Variants in NEDD4L observed in about 807,000 individuals in gnomAD.
NEDD4L encodes NEDD4 like E3 ubiquitin protein ligase, also known as E3 ubiquitin-protein ligase NEDD4-like.
NEDD4L carries 54 observed loss-of-function variants against 148.9 expected under a neutral mutation model. That is an observed-to-expected ratio of 0.36 (90% CI 0.29 to 0.45). The LOEUF (loss-of-function observed/expected upper bound fraction) is 0.45, where lower values mean the gene tolerates loss of function less well. Ranked by LOEUF, NEDD4L falls within the 20% of genes least tolerant of loss-of-function variation. The pLI is 1.00. For missense variants in NEDD4L, 856 were observed against 1,233.8 expected (o/e 0.69, Z 4.59); for synonymous variants, 433 against 440.7 (o/e 0.98, Z 0.22).
intron 25 of NEDD4L, among the ~76,000 whole-genome samples, 191 bp from the exon 26 acceptor site, chr18:58,385,335 T>C (rs920573525): frequency 6.6e-6 from 1 of 152,200 alleles, no homozygotes; most frequent in Non-Finnish European, 1.5e-5. Context: ...CAGTGAGATT[T>C]TAGGTTTTTC....
chr18:58,377,346 A>G (rs1001424903), intron 24 of NEDD4L, among the ~76,000 whole-genome samples: 1 of 152,232 alleles, frequency 6.6e-6, no homozygotes, highest in African/African-American at 2.4e-5. Context: ...TGCAGTTGTC[A>G]TGGGGTGAAA....
intron 1 of NEDD4L, among the ~76,000 whole-genome samples, chr18:58,065,394 C>T (rs749179650): frequency 3.9e-5 from 6 of 152,226 alleles, no homozygotes; most frequent in Non-Finnish European, 7.3e-5. Context: ...TTGTGCATTG[C>T]GCACTATGCT....
chr18:58,374,393 C>A (rs1054544861), intron 24 of NEDD4L, among the ~76,000 whole-genome samples: 1 of 152,076 alleles, frequency 6.6e-6, no homozygotes, highest in African/African-American at 2.4e-5. Context: ...AGGCAAGAGA[C>A]CTTGTGGCTT....
intron 1 of NEDD4L, among the ~76,000 whole-genome samples, chr18:58,116,642 T>A (rs553525): frequency 0.094 from 14,290 of 152,260 alleles, 975 homozygotes; most frequent in African/African-American, 0.19. Context: ...CAAAAGCATT[T>A]GCAGAGGGAG....
chr18:58,142,960 C>T (rs2033713780), intron 1 of NEDD4L, among the ~76,000 whole-genome samples: 1 of 152,110 alleles, frequency 6.6e-6, no homozygotes, highest in South Asian at 2.1e-4. Flanking sequence ...AGAGGGGGTC[C>T]AGCCTGCATG....
chr18:58,211,953 TATC>T (rs2042639949), intron 2 of NEDD4L, among the ~76,000 whole-genome samples: 3 of 152,268 alleles, frequency 2.0e-5, no homozygotes, highest in Admixed American at 1.3e-4. Flanking sequence ...CTCTATCTAA[TATC>T]ATAATCAGTA....
intron 2 of NEDD4L, among the ~76,000 whole-genome samples, chr18:58,215,868 T>C (rs2043109682): frequency 6.6e-6 from 1 of 151,932 alleles, no homozygotes; most frequent in Admixed American, 6.5e-5. Context: ...TATTCCAATA[T>C]GTAATATATG....
At chr18:58,226,494 T>G (rs1313398167) in intron 2 of NEDD4L, among the ~76,000 whole-genome samples, 1 of 152,138 alleles carries the variant, frequency 6.6e-6, no homozygotes, top group African/African-American at 2.4e-5. Flanking sequence ...GGATAAATAC[T>G]GAGGGGGAGG....
chr18:58,294,014 T>C (rs1198098942), intron 5 of NEDD4L, among the ~76,000 whole-genome samples: 1 of 152,216 alleles, frequency 6.6e-6, no homozygotes, highest in East Asian at 1.9e-4. Flanking sequence ...TGAACCACCA[T>C]GTCCAACCAG....
Position 58,165,850 on chromosome 18 carries a change from C to T in NEDD4L, c.111C>T (p.Ile37=). The stretch of plus-strand genomic sequence containing the variant: ...GAATTGATCTCGCCAAAAAGGACAT[C>T]TTTGGAGCCAGGTATGTTGGCTTTG... ...VSGIDLAKKD[I]FGASDPYVKL... is the part of the protein sequence containing the mutation. The change falls in exon 2 of 31, where the codon ATC becomes ATT. Residue 37 remains isoleucine (I), a synonymous_variant. Coordinates refer to ENST00000400345, the MANE Select transcript of NEDD4L (RefSeq NM_001144967.3). 6.2e-7 allele frequency: 1 copy of T among 1,608,326 alleles called. No homozygotes were observed. Among genetic ancestry groups the T allele is most frequent in the East Asian group, 2.2e-5 (1 of 44,822 alleles).
intron 1 of NEDD4L, among the ~76,000 whole-genome samples, chr18:58,076,999 C>T (rs532158301): frequency 1.1e-4 from 17 of 151,368 alleles, no homozygotes; most frequent in Non-Finnish European, 2.5e-4. Flanking sequence ...TACAGGTGCG[C>T]GCCACTATAC....
chr18:58,373,707 C>T (rs1207788515), intron 24 of NEDD4L, among the ~76,000 whole-genome samples: 1 of 152,222 alleles, frequency 6.6e-6, no homozygotes, highest in Non-Finnish European at 1.5e-5. Flanking sequence ...TTGTGAGGCT[C>T]AGCATGGCAG....
intron 13 of NEDD4L, among the ~76,000 whole-genome samples, chr18:58,339,511 T>C (rs2042173006): frequency 6.6e-6 from 1 of 152,174 alleles, no homozygotes; most frequent in African/African-American, 2.4e-5. Context: ...CTGCTGAGTC[T>C]CCACACCTGG....
intron 19 of NEDD4L, among the ~76,000 whole-genome samples, chr18:58,361,165 C>A (rs2145930306): frequency 6.6e-6 from 1 of 152,288 alleles, no homozygotes; most frequent in East Asian, 1.9e-4. Context: ...ATGTCTAGGT[C>A]CAGTGCCCAC....
intron 1 of NEDD4L, among the ~76,000 whole-genome samples, chr18:58,151,130 C>T (rs941497490): frequency 9.2e-5 from 14 of 152,178 alleles, no homozygotes; most frequent in African/African-American, 3.4e-4. Flanking sequence ...ACATGCATTC[C>T]TCAGGTGCTC....
chr18:58,258,545 T>A (rs998112370), intron 5 of NEDD4L, among the ~76,000 whole-genome samples: 17 of 152,326 alleles, frequency 1.1e-4, no homozygotes, highest in African/African-American at 3.8e-4. Flanking sequence ...TATGTGTACC[T>A]TGCTTAAAAG....
chr18:58,059,173 C>T (rs991059090), intron 1 of NEDD4L, among the ~76,000 whole-genome samples: 3 of 152,136 alleles, frequency 2.0e-5, no homozygotes, highest in African/African-American at 7.2e-5. Flanking sequence ...AGCGGTTTCT[C>T]CCACCTTGGT....
chr18:58,145,567 G>A (rs1303416171), intron 1 of NEDD4L, among the ~76,000 whole-genome samples: 1 of 151,966 alleles, frequency 6.6e-6, no homozygotes, highest in Admixed American at 6.6e-5. Flanking sequence ...CAGTGATAGT[G>A]ATAATAAGGG....
intron 13 of NEDD4L, among the ~76,000 whole-genome samples, chr18:58,336,483 A>G (rs1001911496): frequency 1.3e-5 from 2 of 152,036 alleles, no homozygotes; most frequent in African/African-American, 4.8e-5. Flanking sequence ...AGGCTGAGGC[A>G]GGAGAATGGC....
Sources: allele counts gnomAD v4.1 joint callset (sites outside exome capture counted in the v4.1 genomes callset), GRCh38; gene constraint gnomAD v4.1.1; transcripts MANE v1.5; gene names NCBI Gene and HGNC (gene_info 2026-07-23, HGNC 2026-07-21).